MSH6: variants seen among roughly 807,000 people sequenced by gnomAD.
MSH6 encodes the protein DNA mismatch repair protein Msh6.
Under a neutral mutation model 119.1 loss-of-function variants are expected in MSH6, and 85 were observed. The observed-to-expected ratio is 0.71, with a 90% CI of 0.60 to 0.85. The LOEUF is 0.85. Ranked by LOEUF, MSH6 falls within the 40% of genes least tolerant of loss-of-function variation. MSH6 has a pLI of 0.00. For missense variants in MSH6, 2,163 were observed against 1,655.3 expected (o/e 1.31, Z -5.32); for synonymous variants, 830 against 586.9 (o/e 1.41, Z -5.99).
At position 47,799,728 on chromosome 2, in the gene MSH6, T is replaced by A. The variant is rs2104365004; in HGVS notation, c.1745T>A (p.Phe582Tyr). Residue 582 changes from phenylalanine to tyrosine, a missense_variant, in exon 4 of 10, where the codon TTT becomes TAT. Coordinates refer to ENST00000234420, the MANE Select transcript of MSH6 (RefSeq NM_000179.3). ...QFSDDRHCSRFRTLVAHYPPV... is the reference protein window; with the variant it reads ...QFSDDRHCSRYRTLVAHYPPV... ...TCAGATGATCGCCATTGTTCGAGAT[T>A]TAGGACTCTAGTGGCACACTATCCC... The A allele has an allele frequency of 6.2e-7, 1 of 1,614,190 alleles. No homozygotes were observed. The highest frequency in any genetic ancestry group is 8.5e-7 in the Non-Finnish European group (1 of 1,180,028).
Position 47,799,229 on chromosome 2 carries a change from A to AT in MSH6, c.1248dup (p.Lys417Ter), listed in dbSNP as rs778555956. 1 of 1,614,170 alleles carries AT rather than the reference A, an allele frequency of 6.2e-7. No individual in the cohort carries two copies. The highest frequency in any genetic ancestry group is 8.5e-7 in the Non-Finnish European group (1 of 1,180,024). On this transcript the variant is annotated frameshift_variant, in exon 4 of 10. Coordinates refer to ENST00000234420, the MANE Select transcript of MSH6 (RefSeq NM_000179.3). LOFTEE classifies it high-confidence loss of function. ...TCCTGGGATGAGGAAGTGGTGGCAG[A>AT]TTAAGTCTCAGAACTTTGATCTTGT... is the stretch of plus-strand genomic sequence containing the variant.
intron 4 of MSH6, among the ~76,000 whole-genome samples, chr2:47,802,149 G>C (rs913852137): frequency 1.3e-5 from 2 of 152,086 alleles, no homozygotes; most frequent in Admixed American, 6.5e-5. Context: ...AATTTTAAAA[G>C]AATCATTCCT....
rs902748383 is a variant in MSH6, at chr2:47,800,500, C to G, written c.2517C>G (p.Asp839Glu). 6.2e-7 allele frequency: 1 copy of G among 1,613,006 alleles called. No individual in the cohort carries two copies. Among genetic ancestry groups the G allele is most frequent in the Non-Finnish European group, 8.5e-7 (1 of 1,179,752 alleles). ...CCCTGAAGAGTCAGAACCACCCAGA[C>G]AGCAGGGCTATAATGTATGAAGAAA... The part of the protein sequence containing the change: ...GSPLKSQNHP[D>E]SRAIMYEETT... The change falls in exon 4 of 10, where the codon GAC becomes GAG. Residue 839 changes from aspartate to glutamate, a missense_variant. Coordinates refer to ENST00000234420, the MANE Select transcript of MSH6 (RefSeq NM_000179.3).
In MSH6 at chr2:47,783,470, G is replaced by A. The variant is rs1187291533; in HGVS notation, c.237G>A (p.Ser79=). Residue 79 remains serine, a synonymous_variant, in exon 1 of 10, where the codon TCG becomes TCA. Transcript: ENST00000234420. ...AKNLNGGLRR[S]VAPAAPTSCD... is the part of the protein sequence containing the mutation. ...ACCTCAACGGAGGGCTGCGGAGATC[G>A]GTAGCGCCTGCTGCCCCCACCAGGT... The A allele has an allele frequency of 2.8e-6, 4 of 1,446,760 alleles. 1 individual carries two copies. The South Asian group carries it at 4.4e-5, about 16-fold the overall frequency. 89.6% of individuals were successfully genotyped at this position (1,446,760 alleles called of 1,614,324 possible).
chr2:47,792,637 AGCCACCAT>A (rs1668806917), intron 2 of MSH6, among the ~76,000 whole-genome samples: 1 of 152,256 alleles, frequency 6.6e-6, no homozygotes, highest in African/African-American at 2.4e-5. Flanking sequence ...TACAGGCATA[AGCCACCAT>A]GCCCCTGGGC....
At chr2:47,806,990 TTTAA>T, downstream of MSH6, 2 of 745,316 alleles carry the variant, frequency 2.7e-6, no homozygotes, top group Admixed American at 2.2e-5. Flanking sequence ...ATTAAACCCT[TTTAA>T]TTCTTATCTA....
Position 47,805,617 on chromosome 2 carries a change from GGTGAAA to G in MSH6, c.3559_3564del (p.Glu1187_Ser1188del), listed in dbSNP as rs1553332604. 1 of 1,590,678 alleles carries G rather than the reference GGTGAAA, an allele frequency of 6.3e-7. No homozygotes were observed. Among genetic ancestry groups the G allele is most frequent in the Non-Finnish European group, 8.6e-7 (1 of 1,160,964 alleles). ...TCATTTGTGATTTTTTTTTTTTTAA[GGTGAAA>G]GTACATTTTTTGTTGAATTAAGTGA... On this transcript the variant is annotated inframe_deletion and splice_region_variant, in exon 7 of 10. Coordinates refer to ENST00000234420, the MANE Select transcript of MSH6 (RefSeq NM_000179.3).
rs1206700316 is a variant in MSH6 at position 47,801,263 on chromosome 2, A to T, written c.3172+108A>T. 4.3e-6 allele frequency: 5 copies of T among 1,153,886 alleles called. No homozygotes were observed. The Admixed American group carries it at 9.8e-5, about 23-fold the overall frequency. 71.5% of individuals were successfully genotyped at this position (1,153,886 alleles called of 1,614,324 possible). A position where few individuals can be genotyped will look rare whatever the true frequency, so the allele number is the denominator to read the frequency against. On this transcript the variant is annotated intron_variant, in intron 4 of 9. Coordinates refer to ENST00000234420, the MANE Select transcript of MSH6 (RefSeq NM_000179.3). Reference sequence around the variant, plus strand: ...TAAGGTATATATGGTACATATTTTGACATGCATATACATATTTGCATCCTG... The same window carrying T: ...TAAGGTATATATGGTACATATTTTGTCATGCATATACATATTTGCATCCTG...
chr2:47,787,829 A>C (rs1179660776), intron 1 of MSH6, among the ~76,000 whole-genome samples: 1 of 152,150 alleles, frequency 6.6e-6, no homozygotes, highest in Non-Finnish European at 1.5e-5. Flanking sequence ...TGTGTAGCCC[A>C]GATGGTCTCG....
downstream of MSH6, chr2:47,808,291 AG>A (rs1432895370): frequency 6.2e-7 from 1 of 1,612,624 alleles, no homozygotes; most frequent in African/African-American, 1.3e-5. Flanking sequence ...TGAGGGGGAA[AG>A]TAATTGGGTA....
chr2:47,789,274 T>C, intron 1 of MSH6: 1 of 340,940 alleles, frequency 2.9e-6, no homozygotes, highest in Non-Finnish European at 6.0e-6. Flanking sequence ...ATTCTGTAAG[T>C]GTAATGGTAT....
rs63750252 is a variant in MSH6, at chr2:47,804,959, A to T, written c.3488A>T (p.Glu1163Val). 640 of 1,614,156 alleles carry T rather than the reference A, an allele frequency of 4.0e-4. 3 individuals carry two copies. In the East Asian group the frequency reaches 0.011, roughly 27 times the overall value. Residue 1163 changes from glutamate (E) to valine (V), a missense_variant, in exon 6 of 10, where the codon GAA becomes GTA. Coordinates refer to ENST00000234420, the MANE Select transcript of MSH6 (RefSeq NM_000179.3). Reference sequence around the variant, plus strand: ...CAGATGGGTTGTTACGTCCCTGCTGAAGTGTGCAGGCTCACACCAATTGAT... The same window carrying T: ...CAGATGGGTTGTTACGTCCCTGCTGTAGTGTGCAGGCTCACACCAATTGAT... ...MAQMGCYVPA[E>V]VCRLTPIDRV...
At position 47,796,013 on chromosome 2, in the gene MSH6, T is replaced by C. The variant is rs587779944; in HGVS notation, c.577T>C (p.Leu193=). The change falls in exon 3 of 10, where the codon TTG becomes CTG. Residue 193 remains leucine, a synonymous_variant. Transcript: ENST00000234420. Reference sequence around the variant, plus strand: ...TAAAGACAAGATTAAGAGGCTTGAATTGGCAGTTTGTGATGAGCCCTCAGA... The same window carrying C: ...TAAAGACAAGATTAAGAGGCTTGAACTGGCAGTTTGTGATGAGCCCTCAGA... The part of the protein sequence containing the change: ...LNKDKIKRLE[L]AVCDEPSEPE... The C allele has an allele frequency of 3.7e-6, 6 of 1,613,940 alleles. No individual in the cohort carries two copies. Among genetic ancestry groups the C allele is most frequent in the Non-Finnish European group, 5.1e-6 (6 of 1,180,032 alleles).
At position 47,806,630 on chromosome 2, in the gene MSH6, A is replaced by C. The variant is rs780187989; in HGVS notation, c.3980A>C (p.Asn1327Thr). The part of the protein sequence containing the change: ...HRKAREFEKM[N>T]QSLRLFREVC... ...AAAGCAAGAGAATTTGAGAAGATGA[A>C]TCAGTCACTACGATTATTTCGGTAA... Residue 1327 changes from asparagine (N) to threonine (T), a missense_variant, in exon 9 of 10, where the codon AAT becomes ACT. Physicochemically the swap from Asn to Thr is moderately conservative, Grantham distance 65. Coordinates refer to ENST00000234420, the MANE Select transcript of MSH6 (RefSeq NM_000179.3). 1.9e-6 allele frequency: 3 copies of C among 1,611,684 alleles called. No individual in the cohort carries two copies. The highest frequency in any genetic ancestry group is 2.2e-5 in the South Asian group (2 of 91,058).
chr2:47,806,395 T>A (rs1474363697), intron 8 of MSH6, 37 bp downstream of exon 8: 1 of 1,612,238 alleles, frequency 6.2e-7, no homozygotes, highest in South Asian at 1.1e-5. Flanking sequence ...AATTCGGTTT[T>A]TTGAGAGGGC....
chr2:47,798,830 G>A lies in MSH6; in HGVS notation c.847G>A (p.Gly283Arg), dbSNP rs1432121934. The change falls in exon 4 of 10, where the codon GGG (glycine) becomes AGG (arginine). Residue 283 changes from glycine (G) to arginine (R), a missense_variant. Physicochemically the swap from Gly to Arg is moderately radical, Grantham distance 125 (BLOSUM62 -2). Transcript: ENST00000234420. ...GSSDEISSGV[G>R]DSESEGLNSP... ...CAGTGATGAAATAAGCAGTGGAGTGGGGGATAGTGAGAGTGAAGGCCTGAA... is the reference window on the plus strand; with the variant it reads ...CAGTGATGAAATAAGCAGTGGAGTGAGGGATAGTGAGAGTGAAGGCCTGAA... 3 of 1,614,170 alleles carry A rather than the reference G, an allele frequency of 1.9e-6. No individual in the cohort carries two copies. Among genetic ancestry groups the A allele is most frequent in the Admixed American group, 3.3e-5 (2 of 60,020 alleles).
intron 1 of MSH6, among the ~76,000 whole-genome samples, chr2:47,788,934 T>TTTTTTGTTTTTTTG (rs1668553450): frequency 1.0e-5 from 1 of 99,650 alleles, no homozygotes; most frequent in Non-Finnish European, 2.0e-5. Flanking sequence ...TTTTTTTTTT[T>TTTTTTGTTTTTTTG]TTTTTTTTTT....
At chr2:47,803,198 G>A (rs1405132643) in intron 4 of MSH6, among the ~76,000 whole-genome samples, 1 of 152,166 alleles carries the variant, frequency 6.6e-6, no homozygotes, top group African/African-American at 2.4e-5. Context: ...GATTACAGGC[G>A]TGAGCCACCG....
intron 6 of MSH6, 89 bp downstream of exon 6, chr2:47,805,116 C>T (rs1362893034): frequency 7.9e-6 from 7 of 883,186 alleles, no homozygotes; most frequent in East Asian, 4.9e-5. Context: ...CCTTTTAAAT[C>T]TAATATTTGA....
Sources: allele counts gnomAD v4.1 joint callset (sites outside exome capture counted in the v4.1 genomes callset), GRCh38; gene constraint gnomAD v4.1.1; transcripts MANE v1.5; gene names NCBI Gene and HGNC (gene_info 2026-07-23, HGNC 2026-07-21).